The following LIMS1 variants were observed in gnomAD, a reference collection of about 807,000 sequenced individuals.
LIMS1 encodes the protein LIM zinc finger domain containing 1.
In LIMS1, 18 loss-of-function variants were observed where a neutral mutation model predicts 44.1. The ratio of observed to expected loss-of-function variants is 0.41; its 90% confidence interval spans 0.28 to 0.61. LIMS1 has a LOEUF of 0.61. Among genes scored for constraint, LIMS1 ranks in the 20% least tolerant of loss-of-function variants. LIMS1 has a pLI of 0.32. For synonymous variants in LIMS1, 93 were observed against 149.1 expected (o/e 0.62, Z 2.74); for missense variants, 201 against 422.0 (o/e 0.48, Z 4.59).
chr2:108,582,020 A>G (rs1416400374), intron 1 of LIMS1, among the ~76,000 whole-genome samples: 2 of 152,200 alleles, frequency 1.3e-5, no homozygotes, highest in African/African-American at 4.8e-5. Context: ...AAATATTTCA[A>G]GTTGGGGACT....
intron 1 of LIMS1, among the ~76,000 whole-genome samples, chr2:108,614,398 A>G (rs770636536): frequency 6.6e-6 from 1 of 152,150 alleles, no homozygotes; most frequent in Non-Finnish European, 1.5e-5. Flanking sequence ...ATGTATGTAC[A>G]TATGTGGTCT....
intron 1 of LIMS1, among the ~76,000 whole-genome samples, chr2:108,587,131 G>C (rs1375643726): frequency 6.6e-6 from 1 of 152,020 alleles, no homozygotes; most frequent in African/African-American, 2.4e-5. Context: ...GCTTGTCTTG[G>C]ATGTGCTTTT....
At chr2:108,551,606 ATG>A (rs1553450777) in intron 1 of LIMS1, among the ~76,000 whole-genome samples, 1 of 139,002 alleles carries the variant, frequency 7.2e-6, no homozygotes, top group African/African-American at 2.9e-5. Flanking sequence ...CTATATATAT[ATG>A]TATATATATG....
intron 1 of LIMS1, among the ~76,000 whole-genome samples, chr2:108,596,229 C>G (rs1294467143): frequency 2.0e-5 from 3 of 151,748 alleles, no homozygotes; most frequent in Non-Finnish European, 2.9e-5. Context: ...AGTATTAATA[C>G]GAGTTAATTT....
chr2:108,575,755 AAATC>A (rs1453099700), intron 1 of LIMS1, among the ~76,000 whole-genome samples: 2 of 152,204 alleles, frequency 1.3e-5, no homozygotes, highest in Non-Finnish European at 2.9e-5. Context: ...ACTATTGCAG[AAATC>A]AATCCTGAGT....
At chr2:108,587,958 A>G (rs1356903532) in intron 1 of LIMS1, among the ~76,000 whole-genome samples, 1 of 152,194 alleles carries the variant, frequency 6.6e-6, no homozygotes, top group Non-Finnish European at 1.5e-5. Context: ...ACCCCAGAGT[A>G]GCATTCAGAG....
chr2:108,615,267 G>A (rs1459924173), intron 1 of LIMS1, among the ~76,000 whole-genome samples: 1 of 152,172 alleles, frequency 6.6e-6, no homozygotes, highest in Non-Finnish European at 1.5e-5. Flanking sequence ...TTTAGGGAAA[G>A]AAAAATTATT....
At chr2:108,676,426 A>G (rs1692569455) in intron 6 of LIMS1, among the ~76,000 whole-genome samples, 180 bp from the exon 7 acceptor site, 1 of 152,232 alleles carries the variant, frequency 6.6e-6, no homozygotes, top group South Asian at 2.1e-4. Flanking sequence ...AGTAACCTTC[A>G]AAGACAGACA....
At chr2:108,631,784 T>G (rs1688940752) in intron 1 of LIMS1, among the ~76,000 whole-genome samples, 1 of 152,238 alleles carries the variant, frequency 6.6e-6, no homozygotes, top group South Asian at 2.1e-4. Context: ...GCCCTGGGTC[T>G]GGGAGCAGTG....
At chr2:108,582,596 C>G (rs1685930019) in intron 1 of LIMS1, among the ~76,000 whole-genome samples, 1 of 152,048 alleles carries the variant, frequency 6.6e-6, no homozygotes, top group Non-Finnish European at 1.5e-5. Flanking sequence ...GTTGAAACCC[C>G]ATTTCTACTA....
chr2:108,592,717 T>C (rs1413174542), intron 1 of LIMS1, among the ~76,000 whole-genome samples: 1 of 152,216 alleles, frequency 6.6e-6, no homozygotes, highest in Non-Finnish European at 1.5e-5. Context: ...TTGAAAGACC[T>C]TGGGTTTAAA....
intron 1 of LIMS1, among the ~76,000 whole-genome samples, chr2:108,596,334 C>T (rs1246197388): frequency 6.6e-6 from 1 of 152,148 alleles, no homozygotes; most frequent in Admixed American, 6.5e-5. Context: ...TGAGCTGTAG[C>T]TGTGGAAGGG....
chr2:108,587,775 G>A lies in LIMS1; in HGVS notation c.32+53181G>A, dbSNP rs116424980. 5.0e-3 allele frequency among the ~76,000 whole-genome samples: 766 copies of A among 152,250 alleles called. 6 individuals carry two copies. The highest frequency in any genetic ancestry group is 0.017 in the African/African-American group (725 of 41,542). ...AGGAGTCCCAGGAGGTGACTCAGTCGGATATGTGAGGCCTTAGCACCACTG... is the reference window on the plus strand; with the variant it reads ...AGGAGTCCCAGGAGGTGACTCAGTCAGATATGTGAGGCCTTAGCACCACTG... On this transcript the variant is annotated intron_variant, in intron 1 of 9. Coordinates refer to ENST00000544547, the Ensembl canonical transcript of LIMS1.
Position 108,642,784 on chromosome 2 carries a change from T to C in LIMS1, c.33-16821T>C, listed in dbSNP as rs183974572. Among the ~76,000 whole-genome samples, 9 of 152,354 alleles carry C rather than the reference T, an allele frequency of 5.9e-5. 1 individual carries two copies. The highest frequency in any genetic ancestry group is 4.1e-4 in the South Asian group (2 of 4,828). ...TAATTTTTTGCATGATATCTCCAAG[T>C]AGCTTATTTGTATTTGGCCATGGCT... On this transcript the variant is annotated intron_variant, in intron 1 of 9. Transcript: ENST00000544547.
chr2:108,580,567 T>C (rs1434466498), intron 1 of LIMS1, among the ~76,000 whole-genome samples: 1 of 152,122 alleles, frequency 6.6e-6, no homozygotes, highest in African/African-American at 2.4e-5. Context: ...CAGAGGCCAG[T>C]TACAAGGCTG....
chr2:108,544,504 A>G lies in LIMS1; in HGVS notation c.32+9910A>G, dbSNP rs141687331. ...AGCTTCAACAATTATTATTTTATTTATTTATTTTTGAGGCGATGTTTTTGC... is the reference window on the plus strand; with the variant it reads ...AGCTTCAACAATTATTATTTTATTTGTTTATTTTTGAGGCGATGTTTTTGC... On this transcript the variant is annotated intron_variant, in intron 1 of 9. Transcript: ENST00000544547. Among the ~76,000 whole-genome samples the G allele has an allele frequency of 3.9e-5, 6 of 152,164 alleles. No individual in the cohort carries two copies. The East Asian group carries it at 1.2e-3, about 29-fold the overall frequency.
chr2:108,590,606 G>A (rs569748639), intron 1 of LIMS1, among the ~76,000 whole-genome samples: 3 of 152,222 alleles, frequency 2.0e-5, no homozygotes, highest in Non-Finnish European at 1.5e-5. Flanking sequence ...CTAAGAGACG[G>A]CACCATGGAG....
chr2:108,628,527 A>G (rs575866243), intron 1 of LIMS1, among the ~76,000 whole-genome samples: 56 of 152,356 alleles, frequency 3.7e-4, no homozygotes, highest in African/African-American at 1.3e-3. Flanking sequence ...AGTGAAATCA[A>G]TGTTGCCTAG....
At chr2:108,648,878 C>G (rs938579937) in intron 1 of LIMS1, among the ~76,000 whole-genome samples, 2 of 152,128 alleles carry the variant, frequency 1.3e-5, no homozygotes, top group Admixed American at 1.3e-4. Context: ...ACCATGAAAA[C>G]CCTAGAAGAA....
Sources: allele counts gnomAD v4.1 joint callset (sites outside exome capture counted in the v4.1 genomes callset), GRCh38; gene constraint gnomAD v4.1.1; transcripts MANE v1.5; gene names NCBI Gene and HGNC (gene_info 2026-07-23, HGNC 2026-07-21).